The following PEPD variants were observed in gnomAD, a reference collection of about 807,000 sequenced individuals.
PEPD encodes peptidase D.
PEPD carries 53 observed loss-of-function variants against 60.7 expected under a neutral mutation model. The ratio of observed to expected loss-of-function variants is 0.87; its 90% CI spans 0.70 to 1.10. PEPD has a LOEUF of 1.10. Among genes scored for constraint, PEPD ranks in the 50% least tolerant of loss-of-function variants. PEPD has a pLI of 0.00. For missense variants in PEPD, 711 were observed against 711.9 expected (o/e 1.00, Z 0.01); for synonymous variants, 267 against 284.1 (o/e 0.94, Z 0.60).
At chr19:33,404,850 A>T (rs1019596687) in intron 11 of PEPD, among the ~76,000 whole-genome samples, 3 of 152,106 alleles carry the variant, frequency 2.0e-5, no homozygotes, top group African/African-American at 7.2e-5. Flanking sequence ...CTACACACAT[A>T]AGTTATTCAG....
chr19:33,515,335 C>T (rs1476070535), intron 1 of PEPD, among the ~76,000 whole-genome samples: 2 of 152,162 alleles, frequency 1.3e-5, no homozygotes, highest in African/African-American at 4.8e-5. Context: ...CGCTCCCCCA[C>T]GTGCCCTTCC....
chr19:33,488,541 G>A (rs1200570083), intron 6 of PEPD, among the ~76,000 whole-genome samples: 5 of 152,100 alleles, frequency 3.3e-5, no homozygotes, highest in African/African-American at 1.2e-4. Flanking sequence ...AGGGCCTGGG[G>A]GCCTGGGGAG....
intron 9 of PEPD, among the ~76,000 whole-genome samples, chr19:33,449,938 G>A (rs1197056366): frequency 6.6e-6 from 1 of 152,210 alleles, no homozygotes; most frequent in Non-Finnish European, 1.5e-5. Context: ...GGAGTGACCA[G>A]GGAGGTAACA....
At chr19:33,478,414 G>A (rs571424224) in intron 6 of PEPD, among the ~76,000 whole-genome samples, 3 of 152,212 alleles carry the variant, frequency 2.0e-5, no homozygotes, top group African/African-American at 7.2e-5. Flanking sequence ...AGGAAAGAAT[G>A]CAGAGAAAGC....
chr19:33,453,117 T>G (rs1969727240), intron 9 of PEPD, among the ~76,000 whole-genome samples: 1 of 150,974 alleles, frequency 6.6e-6, no homozygotes, highest in Non-Finnish European at 1.5e-5. Flanking sequence ...AGTCCAGGAG[T>G]TGGAGAGGCA....
At chr19:33,455,411 T>C (rs182534315) in intron 9 of PEPD, among the ~76,000 whole-genome samples, 1 of 151,978 alleles carries the variant, frequency 6.6e-6, no homozygotes, top group East Asian at 1.9e-4. Context: ...CCTGATAAAA[T>C]CTAGTAAGCC....
intron 13 of PEPD, 28 bp downstream of exon 13, chr19:33,391,266 GC>G: frequency 6.3e-7 from 1 of 1,578,912 alleles, no homozygotes; most frequent in East Asian, 2.3e-5. Context: ...TGATGGGCAG[GC>G]CACTCCGCCT....
At chr19:33,442,230 C>T (rs570498077) in intron 9 of PEPD, among the ~76,000 whole-genome samples, 1 of 152,306 alleles carries the variant, frequency 6.6e-6, no homozygotes, top group African/African-American at 2.4e-5. Flanking sequence ...GAAACCCCAT[C>T]TCTACTAAAA....
intron 12 of PEPD, among the ~76,000 whole-genome samples, chr19:33,399,933 G>A (rs565722662): frequency 1.3e-5 from 2 of 152,194 alleles, no homozygotes; most frequent in East Asian, 3.9e-4. Flanking sequence ...TCTATCCTTC[G>A]CCTGTTTGGG....
At chr19:33,468,620 C>T (rs1470837140) in intron 7 of PEPD, among the ~76,000 whole-genome samples, 2 of 152,238 alleles carry the variant, frequency 1.3e-5, no homozygotes, top group African/African-American at 4.8e-5. Flanking sequence ...CAGCCGCTGA[C>T]TCACACGGTC....
chr19:33,479,886 C>T lies in PEPD; in HGVS notation c.504-1796G>A, dbSNP rs147407439. On this transcript the variant is annotated intron_variant, in intron 6 of 14. Transcript: ENST00000244137. ...TGAATAGTGCTGCAGCGAACATACACATGCATGTGTTGTTAGAACAATTTA... is the reference window on the plus strand; with the variant it reads ...TGAATAGTGCTGCAGCGAACATACATATGCATGTGTTGTTAGAACAATTTA... Among the ~76,000 whole-genome samples, 1,225 of 152,322 alleles carry T rather than the reference C, an allele frequency of 8.0e-3. 15 individuals carry two copies. Among genetic ancestry groups the T allele is most frequent in the African/African-American group, 0.027 (1,129 of 41,568 alleles).
At chr19:33,497,746 G>C (rs972688569) in intron 4 of PEPD, among the ~76,000 whole-genome samples, 1 of 152,150 alleles carries the variant, frequency 6.6e-6, no homozygotes, top group Non-Finnish European at 1.5e-5. Flanking sequence ...CAGGCCCTGG[G>C]TACCTCAAGC....
At position 33,410,535 on chromosome 19, in the gene PEPD, A is replaced by T. The variant is rs1209163251; in HGVS notation, c.818+1137T>A. Among the ~76,000 whole-genome samples the T allele has an allele frequency of 2.6e-5, 4 of 152,200 alleles. No individual in the cohort carries two copies. The East Asian group carries it at 7.8e-4, about 30-fold the overall frequency. On this transcript the variant is annotated intron_variant, in intron 11 of 14. Transcript: ENST00000244137. ...TCCCACGACTACCTGCTGTAGGGTGAGGCGGGGTCCAGGCCGGTGAGCAGC... is the reference window on the plus strand; with the variant it reads ...TCCCACGACTACCTGCTGTAGGGTGTGGCGGGGTCCAGGCCGGTGAGCAGC...
chr19:33,421,948 C>A (rs1040738059), intron 9 of PEPD, among the ~76,000 whole-genome samples: 1 of 151,914 alleles, frequency 6.6e-6, no homozygotes, highest in Non-Finnish European at 1.5e-5. Flanking sequence ...TCTGGCTGGC[C>A]CCCCTGCTTC....
chr19:33,519,826 G>T (rs1434256043), intron 1 of PEPD, among the ~76,000 whole-genome samples: 1 of 152,170 alleles, frequency 6.6e-6, no homozygotes, highest in Non-Finnish European at 1.5e-5. Flanking sequence ...AGCACTTTGG[G>T]AGGCGGAGGC....
chr19:33,392,643 G>T (rs892404116), intron 12 of PEPD, among the ~76,000 whole-genome samples: 2 of 152,250 alleles, frequency 1.3e-5, no homozygotes, highest in Non-Finnish European at 2.9e-5. Flanking sequence ...CCACCAGGCG[G>T]AGTGACCTTG....
chr19:33,518,941 T>C (rs1369360947), intron 1 of PEPD, among the ~76,000 whole-genome samples: 1 of 152,044 alleles, frequency 6.6e-6, no homozygotes, highest in African/African-American at 2.4e-5. Context: ...TGCAAATACG[T>C]GAAGAATCAT....
At chr19:33,454,616 A>G (rs1029038474) in intron 9 of PEPD, among the ~76,000 whole-genome samples, 7 of 152,156 alleles carry the variant, frequency 4.6e-5, no homozygotes, top group African/African-American at 1.7e-4. Flanking sequence ...AAAGAAAAAA[A>G]AAAGAAAGAA....
chr19:33,417,110 A>G (rs927882037), intron 9 of PEPD, among the ~76,000 whole-genome samples: 8 of 152,248 alleles, frequency 5.3e-5, no homozygotes, highest in African/African-American at 1.9e-4. Context: ...CTGCCCAGAC[A>G]GCGGTAGAAG....
Sources: allele counts gnomAD v4.1 joint callset (sites outside exome capture counted in the v4.1 genomes callset), GRCh38; gene constraint gnomAD v4.1.1; transcripts MANE v1.5; gene names NCBI Gene and HGNC (gene_info 2026-07-23, HGNC 2026-07-21).